Variants in ATG5 observed in about 807,000 individuals in gnomAD.
ATG5 encodes the protein autophagy protein 5.
Under a neutral mutation model 36.5 loss-of-function variants are expected in ATG5, and 14 were observed. The observed-to-expected ratio is 0.38, with a 90% CI of 0.25 to 0.60. ATG5 has a LOEUF of 0.60. Ranked by LOEUF, ATG5 falls within the 20% of genes least tolerant of loss-of-function variation. ATG5 has a pLI of 0.60. For missense variants in ATG5, 195 were observed against 326.7 expected (o/e 0.60, Z 3.11); for synonymous variants, 95 against 101.5 (o/e 0.94, Z 0.38).
chr6:106,247,168 T>C (rs1262964758), intron 6 of ATG5, among the ~76,000 whole-genome samples: 1 of 152,170 alleles, frequency 6.6e-6, no homozygotes, highest in Non-Finnish European at 1.5e-5. Flanking sequence ...ATACTAAAAA[T>C]GGCTACAAAG....
At chr6:106,305,679 T>C (rs1225144727) in intron 3 of ATG5, among the ~76,000 whole-genome samples, 1 of 152,236 alleles carries the variant, frequency 6.6e-6, no homozygotes, top group African/African-American at 2.4e-5. Context: ...TCTCTATCCT[T>C]AAGACACTTG....
rs1460074495 is a variant in ATG5, at chr6:106,185,338, T to G, written c.*1202A>C. 4.6e-5 allele frequency: 7 copies of G among 152,716 alleles called. No homozygotes were observed. The highest frequency in any genetic ancestry group is 1.5e-5 in the Non-Finnish European group (1 of 68,016). 9.5% of individuals were successfully genotyped at this position (152,716 alleles called of 1,614,324 possible). A position where few individuals can be genotyped will look rare whatever the true frequency, so the allele number is the denominator to read the frequency against. On this transcript the variant is annotated 3_prime_UTR_variant, in exon 8 of 8. Coordinates refer to ENST00000369076, the MANE Select transcript of ATG5 (RefSeq NM_004849.4). ...AAGCCTTTTAGCGTACTCAAATGGG[T>G]CAACATTCAATATGGACAGCCAGCT...
chr6:106,304,808 T>C (rs1316997300), intron 3 of ATG5, among the ~76,000 whole-genome samples: 2 of 152,150 alleles, frequency 1.3e-5, no homozygotes, highest in East Asian at 1.9e-4. Flanking sequence ...AAAAGATGAA[T>C]TGGCCAGGCA....
At chr6:106,219,541 G>T (rs914831535) in intron 6 of ATG5, among the ~76,000 whole-genome samples, 5 of 152,146 alleles carry the variant, frequency 3.3e-5, no homozygotes, top group African/African-American at 1.2e-4. Context: ...TATTTTCACA[G>T]TGTGTACATG....
intron 6 of ATG5, among the ~76,000 whole-genome samples, chr6:106,203,173 C>T (rs1776503749): frequency 6.6e-6 from 1 of 152,212 alleles, no homozygotes; most frequent in Non-Finnish European, 1.5e-5. Context: ...CCAGCCATTT[C>T]ATCTGACAAA....
At chr6:106,299,913 T>C (rs1395816356) in intron 3 of ATG5, among the ~76,000 whole-genome samples, 1 of 152,194 alleles carries the variant, frequency 6.6e-6, no homozygotes, top group African/African-American at 2.4e-5. Flanking sequence ...GGAAACGGGA[T>C]TACATTTCAT....
At chr6:106,288,424 G>A (rs1780171255) in intron 4 of ATG5, among the ~76,000 whole-genome samples, 1 of 152,052 alleles carries the variant, frequency 6.6e-6, no homozygotes, top group African/African-American at 2.4e-5. Flanking sequence ...CATTTTCATT[G>A]TTTTGGTAAA....
At chr6:106,280,863 T>C (rs534876984) in intron 4 of ATG5, among the ~76,000 whole-genome samples, 2 of 152,292 alleles carry the variant, frequency 1.3e-5, no homozygotes, top group East Asian at 3.9e-4. Context: ...AAGTCCTACA[T>C]TTTAACCACT....
intron 4 of ATG5, 107 bp downstream of exon 4, chr6:106,292,921 T>C: frequency 1.2e-6 from 1 of 833,728 alleles, no homozygotes; most frequent in Non-Finnish European, 1.9e-6. Flanking sequence ...ACTAAAACAG[T>C]GTCAGGGGAA....
At chr6:106,310,104 A>G (rs1393873138) in intron 2 of ATG5, among the ~76,000 whole-genome samples, 2 of 152,174 alleles carry the variant, frequency 1.3e-5, no homozygotes, top group Non-Finnish European at 2.9e-5. Flanking sequence ...ACCTCAATTA[A>G]GACAGGAATT....
chr6:106,242,441 T>C (rs1778164844), intron 6 of ATG5, among the ~76,000 whole-genome samples: 1 of 151,946 alleles, frequency 6.6e-6, no homozygotes, highest in African/African-American at 2.4e-5. Context: ...AAACAGAGAG[T>C]TGTTTAATGG....
chr6:106,204,304 T>C (rs566987131), intron 6 of ATG5, among the ~76,000 whole-genome samples: 4 of 152,334 alleles, frequency 2.6e-5, no homozygotes, highest in East Asian at 3.9e-4. Flanking sequence ...TAATTCTATG[T>C]TTATGTATTC....
At chr6:106,189,773 T>C (rs984455432) in intron 7 of ATG5, among the ~76,000 whole-genome samples, 1 of 152,094 alleles carries the variant, frequency 6.6e-6, no homozygotes, top group Non-Finnish European at 1.5e-5. Flanking sequence ...TAGACCTTAA[T>C]ACTTAGAATG....
intron 3 of ATG5, among the ~76,000 whole-genome samples, chr6:106,308,096 T>C (rs757753298): frequency 6.6e-6 from 1 of 152,098 alleles, no homozygotes; most frequent in Non-Finnish European, 1.5e-5. Context: ...TATCTGAAAA[T>C]AGCCCATAAC....
chr6:106,249,784 T>G (rs1410601312), intron 5 of ATG5, among the ~76,000 whole-genome samples: 1 of 152,218 alleles, frequency 6.6e-6, no homozygotes, highest in East Asian at 1.9e-4. Flanking sequence ...ACTACTGGTC[T>G]TTTTAATTAT....
chr6:106,301,469 C>T (rs1274459424), intron 3 of ATG5, among the ~76,000 whole-genome samples: 1 of 151,968 alleles, frequency 6.6e-6, no homozygotes, highest in African/African-American at 2.4e-5. Flanking sequence ...CTCTCAAAAT[C>T]TGGGTCCTAA....
chr6:106,281,978 C>G (rs1779898817), intron 4 of ATG5, among the ~76,000 whole-genome samples: 1 of 152,072 alleles, frequency 6.6e-6, no homozygotes. Context: ...GTTCTGTGAA[C>G]TAAGTTTTTT....
intron 4 of ATG5, among the ~76,000 whole-genome samples, chr6:106,283,095 C>T (rs775905991): frequency 2.0e-4 from 30 of 152,036 alleles, no homozygotes; most frequent in Non-Finnish European, 3.7e-4. Context: ...CTGGCCTACA[C>T]GGATTGAGAT....
intron 6 of ATG5, among the ~76,000 whole-genome samples, chr6:106,202,790 T>C (rs922598455): frequency 6.6e-6 from 1 of 152,164 alleles, no homozygotes; most frequent in African/African-American, 2.4e-5. Flanking sequence ...GCCTCCCAAG[T>C]AGCTGGGACT....
Sources: gnomAD v4.1 joint callset for allele counts (sites outside exome capture counted in the v4.1 genomes callset) on GRCh38, gnomAD v4.1.1 for gene constraint, MANE v1.5 for transcripts, NCBI Gene and HGNC (gene_info 2026-07-23, HGNC 2026-07-21) for gene names.